The following CLPB variants were observed in gnomAD, a reference collection of about 807,000 sequenced individuals.
CLPB encodes ClpB family mitochondrial disaggregase.
Under a neutral mutation model 78.4 loss-of-function variants are expected in CLPB, and 40 were observed. The ratio of observed to expected loss-of-function variants is 0.51; its 90% CI spans 0.40 to 0.66. CLPB has a LOEUF of 0.66. Ranked by LOEUF, CLPB falls within the 30% of genes least tolerant of loss-of-function variation. CLPB has a pLI of 0.00. For missense variants in CLPB, 780 were observed against 886.9 expected (o/e 0.88, Z 1.53); for synonymous variants, 333 against 348.0 (o/e 0.96, Z 0.48).
intron 2 of CLPB, among the ~76,000 whole-genome samples, chr11:72,419,319 C>A (rs1470252306): frequency 1.3e-5 from 2 of 152,202 alleles, no homozygotes; most frequent in Admixed American, 6.5e-5. Context: ...CTGACAACTG[C>A]CCCTGCTGTT....
At position 72,292,042 on chromosome 11, in the gene CLPB, CAAAAAAAAAAAA is replaced by C. The variant is rs576651010; in HGVS notation, c.*1313_*1324del. 3 of 44,230 alleles carry C rather than the reference CAAAAAAAAAAAA, an allele frequency of 6.8e-5. No individual in the cohort carries two copies. Among genetic ancestry groups the C allele is most frequent in the African/African-American group, 1.6e-4 (2 of 12,126 alleles). 2.7% of individuals were successfully genotyped at this position (44,230 alleles called of 1,614,324 possible). A position where few individuals can be genotyped will look rare whatever the true frequency, so the allele number is the denominator to read the frequency against. On this transcript the variant is annotated 3_prime_UTR_variant, in exon 16 of 16. Transcript: ENST00000538039. ...TGGGGGACAGAGTGAGACTCTGTCT[CAAAAAAAAAAAA>C]AAAAAAAAAAAGGCAGTCAGTGAGG... is the stretch of plus-strand genomic sequence containing the variant.
chr11:72,362,460 C>T (rs1302432745), intron 4 of CLPB, among the ~76,000 whole-genome samples: 2 of 152,140 alleles, frequency 1.3e-5, no homozygotes, highest in African/African-American at 2.4e-5. Context: ...ACACATCAAA[C>T]ATAAACAAGG....
At chr11:72,389,976 G>T (rs1456784929) in intron 3 of CLPB, among the ~76,000 whole-genome samples, 5 of 152,184 alleles carry the variant, frequency 3.3e-5, no homozygotes, top group Non-Finnish European at 5.9e-5. Context: ...AAAGGCTAGG[G>T]ATAATCTCCA....
chr11:72,338,317 C>T (rs1393654629), intron 5 of CLPB, among the ~76,000 whole-genome samples: 1 of 152,168 alleles, frequency 6.6e-6, no homozygotes, highest in Non-Finnish European at 1.5e-5. Context: ...GAAGATACTA[C>T]ACTGAGCACT....
At chr11:72,378,396 G>T (rs1854786712) in intron 4 of CLPB, among the ~76,000 whole-genome samples, 1 of 152,158 alleles carries the variant, frequency 6.6e-6, no homozygotes, top group South Asian at 2.1e-4. Flanking sequence ...GAGGTAAAAG[G>T]CACTTCTTAC....
chr11:72,405,154 AAG>A (rs1285541407), intron 2 of CLPB, among the ~76,000 whole-genome samples: 1 of 152,168 alleles, frequency 6.6e-6, no homozygotes. Flanking sequence ...GAAGAAGGGG[AAG>A]AGTTTAGAGA....
In CLPB at chr11:72,399,345, T is replaced by C. The variant is rs116579655; in HGVS notation, c.542+3621A>G. Among the ~76,000 whole-genome samples, 919 of 152,254 alleles carry C rather than the reference T, an allele frequency of 6.0e-3. 10 individuals carry two copies. Among genetic ancestry groups the C allele is most frequent in the African/African-American group, 0.021 (877 of 41,574 alleles). ...AAGAGAATCTCTGGTTCAATCTTTA[T>C]ACAATTATCTTTCCTTTAACCAATA... On this transcript the variant is annotated intron_variant, in intron 3 of 15. Coordinates refer to ENST00000538039, the MANE Select transcript of CLPB (RefSeq NM_001258392.3).
In CLPB at chr11:72,433,336, G is replaced by A. The variant is rs545263394; in HGVS notation, c.403+736C>T. ...GTACTTTGGGAGGCCAAGGCGGGTG[G>A]ATCAGGAGGTCAAGAGATCGAGACC... On this transcript the variant is annotated intron_variant, in intron 1 of 15. Transcript: ENST00000538039. Among the ~76,000 whole-genome samples the A allele has an allele frequency of 7.2e-5, 11 of 152,212 alleles. No homozygotes were observed. The South Asian group carries it at 2.3e-3, about 32-fold the overall frequency.
At chr11:72,349,075 GA>G (rs1420206646) in intron 5 of CLPB, among the ~76,000 whole-genome samples, 16 of 152,324 alleles carry the variant, frequency 1.1e-4, no homozygotes, top group African/African-American at 3.8e-4. Flanking sequence ...AATAGTTGCT[GA>G]ATAAATAAAT....
At chr11:72,329,289 TAAGAA>T (rs769774887) in intron 6 of CLPB, among the ~76,000 whole-genome samples, 116 of 152,214 alleles carry the variant, frequency 7.6e-4, no homozygotes, top group Middle Eastern at 3.4e-3. Flanking sequence ...AGAATGATGA[TAAGAA>T]AAGATTGTTT....
At chr11:72,315,656 T>C (rs774026035) in intron 7 of CLPB, among the ~76,000 whole-genome samples, 7 of 152,188 alleles carry the variant, frequency 4.6e-5, no homozygotes, top group Non-Finnish European at 7.4e-5. Context: ...CCGAAATTGG[T>C]TTCAGCCAAT....
intron 7 of CLPB, among the ~76,000 whole-genome samples, chr11:72,313,457 G>A (rs549412844): frequency 1.3e-5 from 2 of 152,358 alleles, no homozygotes; most frequent in South Asian, 4.1e-4. Flanking sequence ...CATTGTGCGT[G>A]AGCTCAGGCT....
At position 72,312,472 on chromosome 11, in the gene CLPB, C is replaced by A. The variant is rs906172256; in HGVS notation, c.989-3868G>T. 3.3e-5 allele frequency among the ~76,000 whole-genome samples: 5 copies of A among 152,156 alleles called. No individual in the cohort carries two copies. Among genetic ancestry groups the A allele is most frequent in the African/African-American group, 1.2e-4 (5 of 41,426 alleles). On this transcript the variant is annotated intron_variant, in intron 7 of 15. Coordinates refer to ENST00000538039, the MANE Select transcript of CLPB (RefSeq NM_001258392.3). The surrounding 1 kb of genome is among the most constrained non-coding windows in gnomAD (Gnocchi z 4.2). ...GGTGTGCCCCCAATCTGACCATATTCCATGGGAGCAGGTGCTGGGTGTCCT... is the reference window on the plus strand; with the variant it reads ...GGTGTGCCCCCAATCTGACCATATTACATGGGAGCAGGTGCTGGGTGTCCT...
At chr11:72,398,679 G>A (rs960541557) in intron 3 of CLPB, among the ~76,000 whole-genome samples, 1 of 152,212 alleles carries the variant, frequency 6.6e-6, no homozygotes, top group African/African-American at 2.4e-5. Flanking sequence ...GCTGGACTGG[G>A]TCAGAGTGCA....
At chr11:72,405,622 G>C (rs937915540) in intron 2 of CLPB, among the ~76,000 whole-genome samples, 34 of 152,204 alleles carry the variant, frequency 2.2e-4, no homozygotes, top group African/African-American at 7.9e-4. Context: ...TGGAGCCTTT[G>C]AAAGAGCCTC....
intron 5 of CLPB, among the ~76,000 whole-genome samples, chr11:72,337,440 G>T (rs978623690): frequency 2.0e-5 from 3 of 152,330 alleles, no homozygotes; most frequent in African/African-American, 7.2e-5. Flanking sequence ...ATTTAACTGA[G>T]TCTAGCAGAA....
chr11:72,324,473 G>A (rs1431130204), intron 6 of CLPB, among the ~76,000 whole-genome samples: 1 of 152,146 alleles, frequency 6.6e-6, no homozygotes, highest in Non-Finnish European at 1.5e-5. Flanking sequence ...GGCTGAGGCA[G>A]GAGAATCGCT....
intron 5 of CLPB, among the ~76,000 whole-genome samples, chr11:72,347,925 G>A (rs751468175): frequency 2.6e-5 from 4 of 152,208 alleles, no homozygotes; most frequent in African/African-American, 7.2e-5. Context: ...TGCTGGCTTT[G>A]AGGATGGATG....
rs557039005 is a variant in CLPB at position 72,390,462 on chromosome 11, A to G, written c.543-10078T>C. Among the ~76,000 whole-genome samples, 364 of 151,956 alleles carry G rather than the reference A, an allele frequency of 2.4e-3. 2 individuals are homozygous for G. Among genetic ancestry groups the G allele is most frequent in the African/African-American group, 8.4e-3 (348 of 41,476 alleles). ...AAAAAAAAACGAAATAGAAAAAAAA[A>G]AAAAGAAAAGAAAAAAGAAAAAGAA... On this transcript the variant is annotated intron_variant, in intron 3 of 15. Coordinates refer to ENST00000538039, the MANE Select transcript of CLPB (RefSeq NM_001258392.3).
Sources: gnomAD v4.1 joint callset for allele counts (sites outside exome capture counted in the v4.1 genomes callset) on GRCh38, gnomAD v4.1.1 for gene constraint, Gnocchi (gnomAD v3.1) non-coding constraint, MANE v1.5 for transcripts, NCBI Gene and HGNC (gene_info 2026-07-23, HGNC 2026-07-21) for gene names.